Variants in NVL observed in about 807,000 individuals in gnomAD.
NVL encodes nuclear VCP like.
Under a neutral mutation model 110.2 loss-of-function variants are expected in NVL, and 84 were observed. The ratio of observed to expected loss-of-function variants is 0.76; its 90% confidence interval spans 0.64 to 0.91. The LOEUF (loss-of-function observed/expected upper bound fraction) is 0.91, where lower values mean the gene tolerates loss of function less well. NVL is among the 40% of genes least tolerant of loss of function. The pLI is 0.00. For synonymous variants in NVL, 354 were observed against 361.1 expected (o/e 0.98, Z 0.22); for missense variants, 882 against 1,035.9 (o/e 0.85, Z 2.04).
At chr1:224,235,500 T>C (rs1387252777) in intron 20 of NVL, among the ~76,000 whole-genome samples, 1 of 152,102 alleles carries the variant, frequency 6.6e-6, no homozygotes, top group Non-Finnish European at 1.5e-5. Context: ...ATGGATTTGA[T>C]TCCTAATTAG....
intron 5 of NVL, among the ~76,000 whole-genome samples, chr1:224,310,764 TCTGTCGCCCAGGCTGAA>T (rs1558345899): frequency 8.6e-5 from 13 of 151,878 alleles, no homozygotes; most frequent in African/African-American, 2.9e-4. Context: ...TGCAATAAGG[TCTGTCGCCCAGGCTGAA>T]GTGGAATGGC....
intron 18 of NVL, among the ~76,000 whole-genome samples, chr1:224,258,284 T>G (rs1255582630): frequency 2.0e-5 from 3 of 152,118 alleles, no homozygotes; most frequent in Non-Finnish European, 4.4e-5. Context: ...CAATAAAAGA[T>G]GCTCAACACT....
chr1:224,303,792 G>T lies in NVL; in HGVS notation c.891C>A (p.Pro297=). ...PEVYHHLGVV[P]PRGVLLHGPP... ...GTCCATGAAGGAGAACTCCACGAGG[G>T]GGCACGACGCCCAGGTGGTGGTACA... Residue 297 remains proline, a synonymous_variant, in exon 9 of 23, where the codon CCC becomes CCA. Transcript: ENST00000281701. 1 of 1,613,552 alleles carries T rather than the reference G, an allele frequency of 6.2e-7. No homozygotes were observed. The highest frequency in any genetic ancestry group is 1.1e-5 in the South Asian group (1 of 90,938).
intron 9 of NVL, among the ~76,000 whole-genome samples, chr1:224,301,365 A>T (rs1428274088): frequency 2.0e-5 from 3 of 152,020 alleles, no homozygotes; most frequent in Non-Finnish European, 4.4e-5. Flanking sequence ...TCAGCCTCCC[A>T]AAGTGCTGGG....
chr1:224,314,384 G>C (rs1242281549), intron 4 of NVL, among the ~76,000 whole-genome samples: 3 of 152,126 alleles, frequency 2.0e-5, no homozygotes, highest in African/African-American at 7.2e-5. Flanking sequence ...CAGTAAAATG[G>C]GGCTATCACC....
intron 18 of NVL, chr1:224,256,886 G>C (rs1047265021): frequency 2.2e-5 from 9 of 402,290 alleles, no homozygotes; most frequent in Non-Finnish European, 4.0e-5. Context: ...TACTCCATTA[G>C]CAAATCAGGT....
intron 13 of NVL, 52 bp from the exon 14 acceptor site, chr1:224,288,045 T>C (rs757012572): frequency 1.7e-5 from 23 of 1,341,366 alleles, no homozygotes; most frequent in African/African-American, 2.9e-5. Flanking sequence ...ACAACAGCTA[T>C]TGAAAAGTTA....
rs925024561 is a variant in NVL at position 224,294,415 on chromosome 1, G to C, written c.1181-4C>G. The C allele has an allele frequency of 5.0e-6, 8 of 1,613,824 alleles. No homozygotes were observed. Among genetic ancestry groups the C allele is most frequent in the Middle Eastern group, 1.7e-4 (1 of 6,060 alleles). ...GTAGCAGCCACATTATTCAGATCTA[G>C]TAAGAGACAGAGAAAGAGTAGTGAA... On this transcript the variant is annotated splice_polypyrimidine_tract_variant and splice_region_variant and intron_variant, in intron 11 of 22. Transcript: ENST00000281701.
chr1:224,228,832 G>T (rs1379407149), intron 22 of NVL, among the ~76,000 whole-genome samples: 1 of 149,194 alleles, frequency 6.7e-6, no homozygotes, highest in African/African-American at 2.5e-5. Context: ...CCAGCTACTC[G>T]GGAGGCTGAG....
At chr1:224,298,987 G>T (rs1376620025) in intron 10 of NVL, among the ~76,000 whole-genome samples, 1 of 152,018 alleles carries the variant, frequency 6.6e-6, no homozygotes, top group East Asian at 1.9e-4. Flanking sequence ...GAAAAAAATT[G>T]AAGAAAATTA....
chr1:224,277,966 T>C (rs556159156), intron 16 of NVL, among the ~76,000 whole-genome samples: 1 of 152,302 alleles, frequency 6.6e-6, no homozygotes, highest in East Asian at 1.9e-4. Context: ...CCTTAATTGT[T>C]CGAATCTTTC....
chr1:224,281,071 A>G, intron 16 of NVL, 52 bp downstream of exon 16: 1 of 1,476,740 alleles, frequency 6.8e-7, no homozygotes, highest in Non-Finnish European at 9.5e-7. Flanking sequence ...CGTAATTTGC[A>G]TGACCATTAC....
Position 224,269,428 on chromosome 1 carries a change from C to T in NVL, c.2083-1295G>A, listed in dbSNP as rs1571894259. Among the ~76,000 whole-genome samples, 3 of 152,278 alleles carry T rather than the reference C, an allele frequency of 2.0e-5. No individual in the cohort carries two copies. In the Middle Eastern group the frequency reaches 0.01, roughly 518 times the overall value. ...GTTCTGATAACCCACCACCATTAGA[C>T]ATTAGACCAGCCAGGTGTTCCAGAT... On this transcript the variant is annotated intron_variant, in intron 17 of 22. Transcript: ENST00000281701.
At chr1:224,274,058 A>ACACACACC (rs569757319) in intron 17 of NVL, among the ~76,000 whole-genome samples, 8,732 of 151,486 alleles carry the variant, frequency 0.058, 300 homozygotes, top group East Asian at 0.097. Context: ...ACACACACAC[A>ACACACACC]CCCATATTGA....
intron 18 of NVL, among the ~76,000 whole-genome samples, chr1:224,266,389 T>C (rs1373989666): frequency 6.6e-6 from 1 of 152,216 alleles, no homozygotes; most frequent in Non-Finnish European, 1.5e-5. Context: ...AAACTTTATT[T>C]GTCCACCTTT....
chr1:224,295,058 A>C (rs1667744326), intron 11 of NVL, among the ~76,000 whole-genome samples: 1 of 152,258 alleles, frequency 6.6e-6, no homozygotes, highest in African/African-American at 2.4e-5. Flanking sequence ...CTGAGGACTT[A>C]AATCTTATCT....
At chr1:224,307,475 G>A (rs1669043267) in intron 6 of NVL, among the ~76,000 whole-genome samples, 1 of 152,186 alleles carries the variant, frequency 6.6e-6, no homozygotes, top group South Asian at 2.1e-4. Flanking sequence ...TCCGAGGCGG[G>A]TGGATTGCTT....
chr1:224,292,586 C>T (rs898886785), intron 12 of NVL, among the ~76,000 whole-genome samples: 9 of 152,222 alleles, frequency 5.9e-5, no homozygotes, highest in African/African-American at 1.7e-4. Flanking sequence ...TACACTTACT[C>T]ATACCCTGGA....
At chr1:224,322,406 T>C (rs1384376752) in intron 2 of NVL, among the ~76,000 whole-genome samples, 4 of 152,038 alleles carry the variant, frequency 2.6e-5, no homozygotes, top group Non-Finnish European at 5.9e-5. Context: ...ATTAAATAAA[T>C]TCTGATCAGG....
Sources: gnomAD v4.1 joint callset for allele counts (sites outside exome capture counted in the v4.1 genomes callset) on GRCh38, gnomAD v4.1.1 for gene constraint, MANE v1.5 for transcripts, NCBI Gene and HGNC (gene_info 2026-07-23, HGNC 2026-07-21) for gene names.